The following MTSS1 variants were observed in gnomAD, a reference collection of about 807,000 sequenced individuals.
The protein encoded by MTSS1 is protein MTSS 1.
A neutral mutation model predicts 79.0 loss-of-function variants in MTSS1; 18 were observed. The observed-to-expected ratio is 0.23, with a 90% CI of 0.16 to 0.34. The LOEUF is 0.34. Among genes scored for constraint, MTSS1 ranks in the 10% least tolerant of loss-of-function variants. The probability of loss-of-function intolerance (pLI) is 1.00; values close to 1 mark genes in which losing one functional copy is unlikely to be tolerated. For missense variants in MTSS1, 815 were observed against 986.2 expected (o/e 0.83, Z 2.33); for synonymous variants, 341 against 368.6 (o/e 0.93, Z 0.86).
At chr8:124,699,802 A>G (rs1214448957) in intron 2 of MTSS1, among the ~76,000 whole-genome samples, 1 of 152,162 alleles carries the variant, frequency 6.6e-6, no homozygotes, top group Non-Finnish European at 1.5e-5. Flanking sequence ...ATTCGGTGCT[A>G]ATCAATAAAT....
At chr8:124,611,712 G>C (rs1835854452) in intron 3 of MTSS1, among the ~76,000 whole-genome samples, 1 of 152,178 alleles carries the variant, frequency 6.6e-6, no homozygotes, top group Non-Finnish European at 1.5e-5. Flanking sequence ...ATATGAGAAA[G>C]AGAATCAGAA....
chr8:124,636,140 T>C (rs74305397), intron 3 of MTSS1, among the ~76,000 whole-genome samples: 5,763 of 152,116 alleles, frequency 0.038, 257 homozygotes, highest in East Asian at 0.17. Flanking sequence ...ACTTTCTCCT[T>C]CTTCTTTGAG....
chr8:124,557,590 T>C (rs1824174309), intron 11 of MTSS1, 91 bp downstream of exon 11: 2 of 1,232,968 alleles, frequency 1.6e-6, no homozygotes, highest in Non-Finnish European at 2.3e-6. Context: ...AGGAAGGGGA[T>C]GAGGGGATAG....
intron 1 of MTSS1, among the ~76,000 whole-genome samples, chr8:124,721,669 C>T (rs551864712): frequency 1.3e-5 from 1 of 75,526 alleles, no homozygotes; most frequent in East Asian, 3.3e-4. Context: ...TCTTGGCCTC[C>T]CAGAGTGATG....
intron 1 of MTSS1, among the ~76,000 whole-genome samples, chr8:124,713,232 T>C (rs762277255): frequency 1.8e-4 from 27 of 152,214 alleles, no homozygotes; most frequent in African/African-American, 5.1e-4. Context: ...GAAAGTTCTA[T>C]TGGACAGCAA....
intron 3 of MTSS1, among the ~76,000 whole-genome samples, chr8:124,611,112 C>A (rs1055131757): frequency 1.3e-5 from 2 of 148,524 alleles, no homozygotes; most frequent in Admixed American, 6.6e-5. Flanking sequence ...ACAGACCCCC[C>A]CCCCCCAGCA....
At chr8:124,646,741 C>A (rs1819063585) in intron 3 of MTSS1, among the ~76,000 whole-genome samples, 2 of 151,950 alleles carry the variant, frequency 1.3e-5, no homozygotes, top group African/African-American at 4.8e-5. Flanking sequence ...CTATTTTTCA[C>A]TAAATAAACA....
At chr8:124,587,100 C>A (rs115886632) in intron 5 of MTSS1, among the ~76,000 whole-genome samples, 293 of 152,320 alleles carry the variant, frequency 1.9e-3, no homozygotes, top group African/African-American at 6.5e-3. Flanking sequence ...GAAGTCTGCA[C>A]CGGCTCCTCA....
chr8:124,630,141 C>T (rs1401970628), intron 3 of MTSS1, among the ~76,000 whole-genome samples: 2 of 152,246 alleles, frequency 1.3e-5, no homozygotes, highest in East Asian at 3.8e-4. Context: ...GGAGAGTTAA[C>T]TTCCCTCTAC....
chr8:124,587,385 G>A (rs1003141848), intron 5 of MTSS1, among the ~76,000 whole-genome samples: 2 of 152,158 alleles, frequency 1.3e-5, no homozygotes, highest in Non-Finnish European at 2.9e-5. Context: ...GATAAATCCC[G>A]TGAGCCTAAG....
intron 3 of MTSS1, among the ~76,000 whole-genome samples, chr8:124,687,383 C>T (rs1827155400): frequency 6.6e-6 from 1 of 152,288 alleles, no homozygotes; most frequent in Middle Eastern, 3.4e-3. Flanking sequence ...ACCTCTTGCA[C>T]TTGGGCTTAA....
At chr8:124,568,594 G>T in intron 6 of MTSS1, 58 bp from the exon 7 acceptor site, 3 of 1,608,254 alleles carry the variant, frequency 1.9e-6, no homozygotes, top group Non-Finnish European at 2.6e-6. Flanking sequence ...TGGAACAAGT[G>T]CCCCTCCTCC....
At chr8:124,644,261 T>G (rs929884516) in intron 3 of MTSS1, among the ~76,000 whole-genome samples, 1 of 152,234 alleles carries the variant, frequency 6.6e-6, no homozygotes, top group African/African-American at 2.4e-5. Flanking sequence ...TTGGTTTCCT[T>G]GGCAACCTTA....
intron 1 of MTSS1, among the ~76,000 whole-genome samples, chr8:124,723,239 A>G (rs1229767523): frequency 1.3e-5 from 2 of 152,220 alleles, no homozygotes; most frequent in Admixed American, 6.5e-5. Flanking sequence ...TTACTTGCTG[A>G]AATCATTATG....
chr8:124,685,378 C>A (rs1169561153), intron 3 of MTSS1, among the ~76,000 whole-genome samples: 1 of 152,218 alleles, frequency 6.6e-6, no homozygotes, highest in Non-Finnish European at 1.5e-5. Context: ...TGCCTGTAAT[C>A]CCAGCACTTT....
chr8:124,672,170 C>G (rs1008956624), intron 3 of MTSS1, among the ~76,000 whole-genome samples: 3 of 152,122 alleles, frequency 2.0e-5, no homozygotes, highest in Non-Finnish European at 2.9e-5. Flanking sequence ...ACAGTGTTAA[C>G]ACATTAATAT....
intron 6 of MTSS1, among the ~76,000 whole-genome samples, chr8:124,574,382 T>C (rs915641870): frequency 1.3e-5 from 2 of 152,196 alleles, no homozygotes; most frequent in Non-Finnish European, 2.9e-5. Flanking sequence ...GGAATGAATA[T>C]CCGTTTTGAT....
chr8:124,640,796 C>T (rs992334151), intron 3 of MTSS1, among the ~76,000 whole-genome samples: 4 of 152,128 alleles, frequency 2.6e-5, no homozygotes, highest in African/African-American at 9.7e-5. Context: ...CCCTCCTCGG[C>T]CTCCCAAAGT....
chr8:124,714,392 C>G (rs767323224), intron 1 of MTSS1, among the ~76,000 whole-genome samples: 1 of 152,202 alleles, frequency 6.6e-6, no homozygotes, highest in Non-Finnish European at 1.5e-5. Context: ...CCCTCACGCC[C>G]GGTTAACTGC....
Sources: allele counts gnomAD v4.1 joint callset (sites outside exome capture counted in the v4.1 genomes callset), GRCh38; gene constraint gnomAD v4.1.1; transcripts MANE v1.5; gene names NCBI Gene and HGNC (gene_info 2026-07-23, HGNC 2026-07-21).